The following BMP6 variants were observed in gnomAD, a reference collection of about 807,000 sequenced individuals.
BMP6 encodes the protein VG-1-R.
In BMP6, 17 loss-of-function variants were observed where a neutral mutation model predicts 54.1. The observed-to-expected ratio is 0.31, with a 90% confidence interval of 0.22 to 0.47. The LOEUF is 0.47. BMP6 is among the 20% of genes least tolerant of loss of function. The pLI is 1.00. For missense variants in BMP6, 720 were observed against 690.4 expected (o/e 1.04, Z -0.48); for synonymous variants, 328 against 291.2 (o/e 1.13, Z -1.28).
chr6:7,878,210 A>G (rs1759652393), intron 4 of BMP6, among the ~76,000 whole-genome samples: 1 of 151,472 alleles, frequency 6.6e-6, no homozygotes, highest in Admixed American at 6.6e-5. Context: ...TTTGTATTGG[A>G]GTTATTTGTG....
At chr6:7,787,349 T>C (rs1423845768) in intron 1 of BMP6, among the ~76,000 whole-genome samples, 2 of 152,180 alleles carry the variant, frequency 1.3e-5, no homozygotes, top group African/African-American at 2.4e-5. Flanking sequence ...ATCAAGTATT[T>C]AGGGATGAGG....
At chr6:7,825,649 G>A (rs1478360007) in intron 1 of BMP6, among the ~76,000 whole-genome samples, 1 of 152,018 alleles carries the variant, frequency 6.6e-6, no homozygotes, top group East Asian at 1.9e-4. Flanking sequence ...GAACCCGGGA[G>A]GCAGAGATTG....
chr6:7,735,204 C>G (rs1365510687), intron 1 of BMP6, among the ~76,000 whole-genome samples: 1 of 152,228 alleles, frequency 6.6e-6, no homozygotes, highest in Non-Finnish European at 1.5e-5. Context: ...TGCCCTTTCA[C>G]CGTCCAGAAC....
chr6:7,780,489 T>TAGTGAGCCG (rs1044386560), intron 1 of BMP6, among the ~76,000 whole-genome samples: 2 of 151,174 alleles, frequency 1.3e-5, no homozygotes, highest in Non-Finnish European at 2.9e-5. Context: ...GCGGAGGTTG[T>TAGTGAGCCG]AGTGAGCCGA....
intron 4 of BMP6, among the ~76,000 whole-genome samples, chr6:7,872,604 TGA>T (rs1254682986): frequency 1.3e-5 from 2 of 152,186 alleles, no homozygotes; most frequent in African/African-American, 2.4e-5. Flanking sequence ...TGTTGAGCAT[TGA>T]GAGAGTCAAA....
chr6:7,768,277 A>G (rs1757723596), intron 1 of BMP6, among the ~76,000 whole-genome samples: 1 of 152,180 alleles, frequency 6.6e-6, no homozygotes. Context: ...TCCTGGAAGT[A>G]AAACTTGTGA....
At chr6:7,840,421 T>C (rs189588916) in intron 1 of BMP6, among the ~76,000 whole-genome samples, 8 of 152,316 alleles carry the variant, frequency 5.3e-5, no homozygotes, top group Non-Finnish European at 4.4e-5. Context: ...TATGCTTCAT[T>C]ACCTCCGTAA....
At chr6:7,736,212 A>G (rs1761953731) in intron 1 of BMP6, among the ~76,000 whole-genome samples, 1 of 152,358 alleles carries the variant, frequency 6.6e-6, no homozygotes, top group Non-Finnish European at 1.5e-5. Flanking sequence ...CATAGTACCT[A>G]GACAATCCCT....
At chr6:7,837,000 T>C (rs949988975) in intron 1 of BMP6, among the ~76,000 whole-genome samples, 1 of 152,170 alleles carries the variant, frequency 6.6e-6, no homozygotes, top group African/African-American at 2.4e-5. Context: ...AAATTTCAAG[T>C]TTGGTGTGTA....
intron 1 of BMP6, among the ~76,000 whole-genome samples, chr6:7,832,079 G>A (rs762124294): frequency 6.6e-6 from 1 of 152,170 alleles, no homozygotes; most frequent in African/African-American, 2.4e-5. Flanking sequence ...TAAGGTAGGG[G>A]TTTGATGCTG....
At chr6:7,759,860 T>A (rs1458235633) in intron 1 of BMP6, among the ~76,000 whole-genome samples, 1 of 151,396 alleles carries the variant, frequency 6.6e-6, no homozygotes, top group Admixed American at 6.6e-5. Flanking sequence ...CCAGCCACCA[T>A]GCCTGGCTAA....
Position 7,880,837 on chromosome 6 carries a change from TCCACAGGACGCACAGCCCAGG to T in BMP6, c.*501_*521del, listed in dbSNP as rs1490506991. ...CCTCTGTTCAGTTCATTCCCAGAAG[TCCACAGGACGCACAGCCCAGG>T]CCACAGCCAGGGCTCCACGGGGCGC... On this transcript the variant is annotated 3_prime_UTR_variant, in exon 7 of 7. Transcript: ENST00000283147. 6.1e-6 allele frequency: 1 copy of T among 164,454 alleles called. No homozygotes were observed. The highest frequency in any genetic ancestry group is 2.4e-5 in the African/African-American group (1 of 41,686). The allele number at this position is 164,454 out of a possible 1,614,324, so 10.2% of individuals were successfully genotyped here.
intron 1 of BMP6, among the ~76,000 whole-genome samples, chr6:7,831,117 AG>A (rs1222038815): frequency 5.9e-5 from 9 of 152,262 alleles, no homozygotes; most frequent in African/African-American, 2.2e-4. Context: ...AATGTCATTC[AG>A]CCATAAATAA....
chr6:7,823,129 G>C (rs1408432572), intron 1 of BMP6, among the ~76,000 whole-genome samples: 1 of 152,120 alleles, frequency 6.6e-6, no homozygotes, highest in East Asian at 1.9e-4. Context: ...TGAGTTGGGG[G>C]ATTGCAGTTA....
intron 2 of BMP6, among the ~76,000 whole-genome samples, chr6:7,860,878 T>TTA (rs1410150948): frequency 6.6e-6 from 1 of 152,220 alleles, no homozygotes; most frequent in Non-Finnish European, 1.5e-5. Context: ...AAAGCCCAGT[T>TTA]TATAAATGCT....
chr6:7,800,438 C>G (rs977271818), intron 1 of BMP6, among the ~76,000 whole-genome samples: 4 of 152,116 alleles, frequency 2.6e-5, no homozygotes, highest in African/African-American at 9.7e-5. Flanking sequence ...ACAGAATGGC[C>G]TTTGTCCCTG....
chr6:7,856,610 T>TTTTTTTGTTTTTG (rs1477184469), intron 2 of BMP6, among the ~76,000 whole-genome samples: 2,864 of 122,014 alleles, frequency 0.023, 43 homozygotes, highest in Middle Eastern at 0.04. Context: ...TTTTTTTTTT[T>TTTTTTTGTTTTTG]TTTTGAGACG....
chr6:7,828,399 G>A (rs906210227), intron 1 of BMP6, among the ~76,000 whole-genome samples: 1 of 152,210 alleles, frequency 6.6e-6, no homozygotes, highest in Non-Finnish European at 1.5e-5. Flanking sequence ...AGAGATGTTC[G>A]TGCACCCTGC....
intron 1 of BMP6, among the ~76,000 whole-genome samples, chr6:7,838,849 G>A (rs1435088840): frequency 6.6e-6 from 1 of 151,602 alleles, no homozygotes; most frequent in Non-Finnish European, 1.5e-5. Context: ...GGCTGAGGCA[G>A]GAGAATGGCG....
Sources: gnomAD v4.1 joint callset for allele counts (sites outside exome capture counted in the v4.1 genomes callset) on GRCh38, gnomAD v4.1.1 for gene constraint, MANE v1.5 for transcripts, NCBI Gene and HGNC (gene_info 2026-07-23, HGNC 2026-07-21) for gene names.